The following ZNF544 variants were observed in gnomAD, a reference collection of about 807,000 sequenced individuals.
ZNF544 encodes zinc finger protein 544, also known as zinc finger protein AF020591.
Under a neutral mutation model 13.5 loss-of-function variants are expected in ZNF544, and 10 were observed. The observed-to-expected ratio is 0.74, with a 90% CI of 0.46 to 1.25. The LOEUF is 1.25. Among genes scored for constraint, ZNF544 ranks in the 50% most tolerant of loss-of-function variants. ZNF544 has a pLI of 0.00. For missense variants in ZNF544, 896 were observed against 845.6 expected, an observed-to-expected ratio of 1.06 and a Z score of -0.74; for synonymous variants, 323 against 300.5, an observed-to-expected ratio of 1.07 and a Z score of -0.77.
chr19:58,240,092 A>G (rs933295743), intron 3 of ZNF544, among the ~76,000 whole-genome samples: 1 of 152,190 alleles, frequency 6.6e-6, no homozygotes, highest in South Asian at 2.1e-4. Flanking sequence ...GGGATGTGTT[A>G]TGTAGGCATG....
intron 6 of ZNF544, chr19:58,277,087 T>G (rs912533878): frequency 2.4e-6 from 2 of 848,210 alleles, no homozygotes; most frequent in African/African-American, 3.5e-5. Flanking sequence ...CTGTCTTGGT[T>G]TGGTCTGGTC....
At position 58,253,902 on chromosome 19, in the gene ZNF544, A is replaced by G. The variant is rs569689210; in HGVS notation, c.245-6949A>G. On this transcript the variant is annotated intron_variant, in intron 6 of 6. Coordinates refer to ENST00000687789, the MANE Select transcript of ZNF544 (RefSeq NM_014480.4). ...TGTTGACAATTCTGAAGACATTTCT[A>G]TTTTCATTTTACCAATAATTTTAAA... Among the ~76,000 whole-genome samples, 29 of 152,120 alleles carry G rather than the reference A, an allele frequency of 1.9e-4. No homozygotes were observed. In the Middle Eastern group the frequency reaches 0.017, roughly 89 times the overall value.
intron 3 of ZNF544, 111 bp from the exon 4 acceptor site, chr19:58,243,854 C>A: frequency 1.2e-6 from 1 of 830,066 alleles, no homozygotes; most frequent in Non-Finnish European, 1.7e-6. Flanking sequence ...GGCCCATTCC[C>A]GCACCTGGGA....
chr19:58,246,669 T>TG, intron 5 of ZNF544, 42 bp from the exon 6 acceptor site: 2 of 1,601,968 alleles, frequency 1.2e-6, no homozygotes. Context: ...TGGTTCTTGG[T>TG]GTCCAAGCAG....
downstream of ZNF544, among the ~76,000 whole-genome samples, chr19:58,266,268 C>T (rs564485671): frequency 2.1e-5 from 3 of 145,292 alleles, no homozygotes; most frequent in Non-Finnish European, 3.0e-5. Context: ...CCTGTGATCC[C>T]GACACTTTGG....
chr19:58,236,890 C>T (rs183593139), intron 3 of ZNF544, among the ~76,000 whole-genome samples: 10 of 151,558 alleles, frequency 6.6e-5, no homozygotes, highest in East Asian at 3.9e-4. Flanking sequence ...TACAGGTGCG[C>T]GCCACCATGC....
At chr19:58,229,295 CTGGGTGGGACTGGGTGGGA>C (rs2040658337) in intron 1 of ZNF544, 154 bp from the exon 2 acceptor site, 1 of 52,230 alleles carries the variant, frequency 1.9e-5, no homozygotes, top group Non-Finnish European at 3.8e-5. Flanking sequence ...CTGGGTGGGA[CTGGGTGGGACTGGGTGGGA>C]CTGGGTGGGC....
At chr19:58,241,658 G>A (rs2043900540) in intron 3 of ZNF544, among the ~76,000 whole-genome samples, 1 of 151,878 alleles carries the variant, frequency 6.6e-6, no homozygotes, top group Non-Finnish European at 1.5e-5. Flanking sequence ...CACCACACCG[G>A]CTAATTTTTT....
At chr19:58,240,578 C>T (rs1364183583) in intron 3 of ZNF544, among the ~76,000 whole-genome samples, 1 of 152,016 alleles carries the variant, frequency 6.6e-6, no homozygotes, top group Non-Finnish European at 1.5e-5. Flanking sequence ...TGGACAACAT[C>T]CTGAAACCCC....
rs774387372 is a variant in ZNF544, at chr19:58,261,545, T to C, written c.939T>C (p.Leu313=). The C allele has an allele frequency of 4.3e-6, 7 of 1,614,066 alleles. No homozygotes were observed. In the South Asian group the frequency reaches 5.5e-5, roughly 13 times the overall value. The change falls in exon 7 of 7, where the codon CTT becomes CTC. Residue 313 remains leucine (L), a synonymous_variant. Coordinates refer to ENST00000687789, the MANE Select transcript of ZNF544 (RefSeq NM_014480.4). ...CRETCSESLC[L]VQTERSGPGE... is the part of the protein sequence containing the mutation. ...AAACCTGTTCTGAGAGTCTGTGCCT[T>C]GTACAAACAGAAAGAAGTGGCCCTG...
intron 3 of ZNF544, among the ~76,000 whole-genome samples, chr19:58,234,596 C>T (rs1337700228): frequency 1.3e-5 from 2 of 152,224 alleles, no homozygotes; most frequent in Non-Finnish European, 2.9e-5. Flanking sequence ...AGCAGTTCTT[C>T]CCTTTGCCTG....
intron 6 of ZNF544, among the ~76,000 whole-genome samples, chr19:58,252,030 G>C (rs915910766): frequency 1.4e-4 from 21 of 152,112 alleles, no homozygotes; most frequent in Admixed American, 1.1e-3. Flanking sequence ...AAACTTCTCT[G>C]TTCTGGTAGG....
chr19:58,233,426 A>G (rs999827002), intron 3 of ZNF544, among the ~76,000 whole-genome samples: 13 of 152,218 alleles, frequency 8.5e-5, no homozygotes, highest in African/African-American at 2.9e-4. Flanking sequence ...CAGACACCAT[A>G]GCATAGATAT....
rs778237016 is a variant in ZNF544 at position 58,263,012 on chromosome 19, G to A, written c.*258G>A. On this transcript the variant is annotated 3_prime_UTR_variant, in exon 7 of 7. Coordinates refer to ENST00000687789, the MANE Select transcript of ZNF544 (RefSeq NM_014480.4). Reference sequence around the variant, plus strand: ...CAAACCCTATGAATGTGACCATTGCGAGAAAGCCTTTAGCCAACGGTGTCA... The same window carrying A: ...CAAACCCTATGAATGTGACCATTGCAAGAAAGCCTTTAGCCAACGGTGTCA... 20 of 1,239,334 alleles carry A rather than the reference G, an allele frequency of 1.6e-5. No homozygotes were observed. The highest frequency in any genetic ancestry group is 7.1e-5 in the East Asian group (2 of 28,040). The allele number at this position is 1,239,334 out of a possible 1,614,324, so 76.8% of individuals were successfully genotyped here. A position where few individuals can be genotyped will look rare whatever the true frequency, so the allele number is the denominator to read the frequency against.
chr19:58,249,123 A>G (rs2045887569), intron 6 of ZNF544, among the ~76,000 whole-genome samples: 1 of 152,084 alleles, frequency 6.6e-6, no homozygotes, highest in Admixed American at 6.6e-5. Context: ...TGGGGCATGG[A>G]AAGTTTGGGT....
At chr19:58,263,904 C>G (rs2049483736), downstream of ZNF544, 1 of 152,050 alleles carries the variant, frequency 6.6e-6, no homozygotes, top group South Asian at 2.1e-4. Flanking sequence ...ACCATCCTGG[C>G]TAATATGGTG....
At position 58,261,981 on chromosome 19, in the gene ZNF544, A is replaced by C; in HGVS notation, c.1375A>C (p.Thr459Pro). The change falls in exon 7 of 7, where the codon ACT becomes CCT. Residue 459 changes from threonine to proline, a missense_variant. Physicochemically the swap from Thr to Pro is conservative, Grantham distance 38. Coordinates refer to ENST00000687789, the MANE Select transcript of ZNF544 (RefSeq NM_014480.4). Reference protein sequence around the residue: ...SNLIVHQRIHTGEKPYECTHC... With the variant: ...SNLIVHQRIHPGEKPYECTHC... ...CCTCATTGTACATCAGAGAATTCATACTGGAGAGAAACCGTATGAGTGCAC... is the reference window on the plus strand; with the variant it reads ...CCTCATTGTACATCAGAGAATTCATCCTGGAGAGAAACCGTATGAGTGCAC... The C allele has an allele frequency of 6.2e-7, 1 of 1,613,910 alleles. No individual in the cohort carries two copies. Among genetic ancestry groups the C allele is most frequent in the Non-Finnish European group, 8.5e-7 (1 of 1,179,986 alleles).
chr19:58,262,730 G>T lies in ZNF544; in HGVS notation c.2124G>T (p.Arg708=). Residue 708 remains arginine, a synonymous_variant, in exon 7 of 7, where the codon CGG becomes CGT. Coordinates refer to ENST00000687789, the MANE Select transcript of ZNF544 (RefSeq NM_014480.4). ...AATCTCAACTTGTAGTGCATCGGCGGACACATACTGGAGAGAAACCTTAGG... is the reference window on the plus strand; with the variant it reads ...AATCTCAACTTGTAGTGCATCGGCGTACACATACTGGAGAGAAACCTTAGG... ...RQQSQLVVHR[R]THTGEKP is the part of the protein sequence containing the mutation. 1 of 1,604,782 alleles carries T rather than the reference G, an allele frequency of 6.2e-7. No individual in the cohort carries two copies. The highest frequency in any genetic ancestry group is 8.5e-7 in the Non-Finnish European group (1 of 1,174,014).
intron 5 of ZNF544, among the ~76,000 whole-genome samples, chr19:58,270,003 AG>A (rs2050433475): frequency 6.6e-6 from 1 of 152,238 alleles, no homozygotes; most frequent in Non-Finnish European, 1.5e-5. Flanking sequence ...AATCTAGAAA[AG>A]GAATAGGGCA....
Sources: gnomAD v4.1 joint callset for allele counts (sites outside exome capture counted in the v4.1 genomes callset) on GRCh38, gnomAD v4.1.1 for gene constraint, MANE v1.5 for transcripts, NCBI Gene and HGNC (gene_info 2026-07-23, HGNC 2026-07-21) for gene names.